The following TMEM178B variants were observed in gnomAD, a reference collection of about 807,000 sequenced individuals.
TMEM178B encodes transmembrane protein 178B.
Under a neutral mutation model 31.0 loss-of-function variants are expected in TMEM178B, and 5 were observed. That is an observed-to-expected ratio of 0.16 (90% confidence interval 0.08 to 0.34). The LOEUF is 0.34. Ranked by LOEUF, TMEM178B falls within the 10% of genes least tolerant of loss-of-function variation. TMEM178B has a pLI of 1.00. For missense variants in TMEM178B, 275 were observed against 400.3 expected (o/e 0.69, Z 2.67); for synonymous variants, 164 against 164.0 (o/e 1.00, Z 0.00).
chr7:141,189,321 A>G (rs1215009106), intron 1 of TMEM178B, among the ~76,000 whole-genome samples: 18 of 152,230 alleles, frequency 1.2e-4, no homozygotes. Context: ...CACCCAGAGT[A>G]GAGGAAACCC....
At chr7:141,105,267 G>A (rs1281066735) in intron 1 of TMEM178B, among the ~76,000 whole-genome samples, 3 of 152,152 alleles carry the variant, frequency 2.0e-5, no homozygotes, top group African/African-American at 7.2e-5. Flanking sequence ...CCAGCACTTT[G>A]GAGGCCGAGG....
At chr7:141,316,224 C>T (rs1156846250) in intron 2 of TMEM178B, among the ~76,000 whole-genome samples, 1 of 152,074 alleles carries the variant, frequency 6.6e-6, no homozygotes, top group Non-Finnish European at 1.5e-5. Context: ...GCTGGTGGGG[C>T]TGGGCCTATT....
intron 1 of TMEM178B, among the ~76,000 whole-genome samples, chr7:141,155,389 T>C (rs1193966979): frequency 1.3e-5 from 2 of 152,196 alleles, no homozygotes; most frequent in Non-Finnish European, 2.9e-5. Context: ...ATGGCTCTTC[T>C]TAATTTTAGG....
At chr7:141,441,465 TTCACCCAGGCTCAGGTTGC>T (rs897995214) in intron 3 of TMEM178B, among the ~76,000 whole-genome samples, 4 of 152,122 alleles carry the variant, frequency 2.6e-5, no homozygotes, top group African/African-American at 4.8e-5. Flanking sequence ...GGCCTTAGCT[TTCACCCAGGCTCAGGTTGC>T]TCACCCAGGC....
chr7:141,299,415 C>T (rs1461825705), intron 2 of TMEM178B, among the ~76,000 whole-genome samples: 7 of 152,148 alleles, frequency 4.6e-5, no homozygotes, highest in Admixed American at 6.5e-5. Flanking sequence ...TTCCAATCCA[C>T]GAGCAGGTTC....
intron 2 of TMEM178B, among the ~76,000 whole-genome samples, chr7:141,390,186 T>C (rs1172681357): frequency 6.6e-6 from 1 of 152,192 alleles, no homozygotes; most frequent in Admixed American, 6.5e-5. Flanking sequence ...AAGCCAAAAC[T>C]GAGTTAAAAG....
chr7:141,202,900 G>T (rs899806109), intron 1 of TMEM178B, among the ~76,000 whole-genome samples: 12 of 152,222 alleles, frequency 7.9e-5, no homozygotes, highest in Non-Finnish European at 4.4e-5. Context: ...GCTGTGGGGG[G>T]TGTGGGAACC....
chr7:141,509,571 A>T, the TMEM178B span, among the ~76,000 whole-genome samples: 1 of 152,156 alleles, frequency 6.6e-6, no homozygotes. Flanking sequence ...AATCGCATGA[A>T]CCTGGGAGGT....
chr7:141,188,049 T>A (rs1796639169), intron 1 of TMEM178B, among the ~76,000 whole-genome samples: 1 of 152,188 alleles, frequency 6.6e-6, no homozygotes, highest in Admixed American at 6.5e-5. Flanking sequence ...TTGCCTAGGT[T>A]TTCTTCTAGG....
intron 1 of TMEM178B, among the ~76,000 whole-genome samples, chr7:141,133,225 A>C (rs745845423): frequency 1.1e-4 from 16 of 152,232 alleles, no homozygotes; most frequent in Non-Finnish European, 1.8e-4. Flanking sequence ...ATTGTTCAGC[A>C]ACAGATTCTA....
chr7:141,301,794 G>A (rs1033136685), intron 2 of TMEM178B, among the ~76,000 whole-genome samples: 2 of 152,212 alleles, frequency 1.3e-5, no homozygotes, highest in Non-Finnish European at 2.9e-5. Context: ...GTGAGCACCA[G>A]TGCAGAAAGA....
chr7:141,252,403 T>C (rs1274232672), intron 2 of TMEM178B, among the ~76,000 whole-genome samples: 1 of 152,214 alleles, frequency 6.6e-6, no homozygotes. Context: ...CCATATTTGC[T>C]GTTCTCAAAA....
intron 1 of TMEM178B, among the ~76,000 whole-genome samples, chr7:141,103,385 C>T (rs1413129475): frequency 2.0e-5 from 3 of 152,146 alleles, no homozygotes; most frequent in South Asian, 4.1e-4. Context: ...AGTTGAAATT[C>T]GAGTGCCTTC....
In TMEM178B at chr7:141,480,286, A is replaced by G. The variant is rs1363002210; in HGVS notation, c.*9500A>G. The G allele has an allele frequency of 1.3e-5, 2 of 152,236 alleles. No individual in the cohort carries two copies. Among genetic ancestry groups the G allele is most frequent in the East Asian group, 3.8e-4 (2 of 5,196 alleles). The allele number at this position is 152,236 out of a possible 1,614,324, so 9.4% of individuals were successfully genotyped here. ...AAACAAGTGTCTGGTAATTAATTAA[A>G]TGACTTGTTCATGGAAAAAATAAAT... On this transcript the variant is annotated 3_prime_UTR_variant, in exon 4 of 4. Transcript: ENST00000565468.
At chr7:141,493,521 A>G in the TMEM178B span, among the ~76,000 whole-genome samples, 3 of 152,114 alleles carry the variant, frequency 2.0e-5, no homozygotes, top group Non-Finnish European at 4.4e-5. Context: ...TAGCAGCTGG[A>G]GCCCACCTGC....
chr7:141,269,379 G>A (rs1357614139), intron 2 of TMEM178B, among the ~76,000 whole-genome samples: 1 of 152,124 alleles, frequency 6.6e-6, no homozygotes, highest in African/African-American at 2.4e-5. Context: ...ATAGGCACGA[G>A]CCACTGTGCC....
chr7:141,253,880 G>GT (rs1196997854), intron 2 of TMEM178B, among the ~76,000 whole-genome samples: 1 of 152,114 alleles, frequency 6.6e-6, no homozygotes, highest in Non-Finnish European at 1.5e-5. Context: ...TCTACAATGA[G>GT]TTGTGACTCC....
chr7:141,289,661 A>C (rs1231139508), intron 2 of TMEM178B, among the ~76,000 whole-genome samples: 1 of 150,214 alleles, frequency 6.7e-6, no homozygotes. Flanking sequence ...GTTGCAGTGA[A>C]CCAAGATTGA....
intron 2 of TMEM178B, among the ~76,000 whole-genome samples, chr7:141,395,602 T>G (rs1800623164): frequency 6.6e-6 from 1 of 151,970 alleles, no homozygotes; most frequent in Non-Finnish European, 1.5e-5. Context: ...ACATCAGAGG[T>G]CTCCCCAAGG....
Sources: allele counts gnomAD v4.1 joint callset (sites outside exome capture counted in the v4.1 genomes callset), GRCh38; gene constraint gnomAD v4.1.1; transcripts MANE v1.5; gene names NCBI Gene and HGNC (gene_info 2026-07-23, HGNC 2026-07-21).